Variants in VPS13A observed in about 807,000 individuals in gnomAD.
VPS13A encodes vacuolar protein sorting 13 homolog A.
VPS13A carries 264 observed loss-of-function variants against 390.9 expected under a neutral mutation model. The ratio of observed to expected loss-of-function variants is 0.68; its 90% CI spans 0.61 to 0.75. The LOEUF is 0.75. VPS13A is among the 30% of genes least tolerant of loss of function. VPS13A has a pLI of 0.00. For synonymous variants in VPS13A, 1,231 were observed against 1,227.1 expected (o/e 1.00, Z -0.07); for missense variants, 3,409 against 3,733.9 (o/e 0.91, Z 2.27).
At chr9:77,378,033 C>T (rs976950460) in intron 67 of VPS13A, among the ~76,000 whole-genome samples, 4 of 151,994 alleles carry the variant, frequency 2.6e-5, no homozygotes, top group Admixed American at 2.0e-4. Flanking sequence ...AATGTGTAAT[C>T]GTTTTTATAT....
chr9:77,286,552 A>G (rs1564696331), intron 31 of VPS13A, among the ~76,000 whole-genome samples: 2 of 152,276 alleles, frequency 1.3e-5, no homozygotes, highest in African/African-American at 4.8e-5. Flanking sequence ...TTTCTAGATG[A>G]TCTTAAAACA....
chr9:77,382,241 C>A, intron 68 of VPS13A, 154 bp downstream of exon 68: 1 of 1,438,618 alleles, frequency 7.0e-7, no homozygotes, highest in Non-Finnish European at 9.2e-7. Context: ...TTTTAAAGTA[C>A]ATTTATTTAC....
At chr9:77,303,571 T>G (rs978522327) in intron 34 of VPS13A, among the ~76,000 whole-genome samples, 1 of 152,150 alleles carries the variant, frequency 6.6e-6, no homozygotes, top group African/African-American at 2.4e-5. Context: ...GGACCTGCAC[T>G]GGCACCGGCC....
At chr9:77,370,774 G>T in intron 65 of VPS13A, 116 bp from the exon 66 acceptor site, 1 of 1,462,208 alleles carries the variant, frequency 6.8e-7, no homozygotes, top group East Asian at 2.3e-5. Context: ...TAGGAGATCT[G>T]TTAATTCTTA....
Position 77,399,167 on chromosome 9 carries a change from TAAAAAAAAAAAAATAA to T in VPS13A, c.9190-4055_9190-4040del, listed in dbSNP as rs1336538741. The stretch of plus-strand genomic sequence containing the variant: ...ATGTACCCTAAAACTTAGAGTATAA[TAAAAAAAAAAAAATAA>T]AAAAAAAAAAAAAAAAAAAAAACAA... On this transcript the variant is annotated intron_variant, in intron 68 of 71. Coordinates refer to ENST00000360280, the MANE Select transcript of VPS13A (RefSeq NM_033305.3). 6.4e-3 allele frequency among the ~76,000 whole-genome samples: 553 copies of T among 85,982 alleles called. 1 individual carries two copies. Among genetic ancestry groups the T allele is most frequent in the African/African-American group, 0.022 (529 of 24,034 alleles). The allele number at this position is 85,982 out of a possible 152,430, so 56.4% of individuals were successfully genotyped here. A position where few individuals can be genotyped will look rare whatever the true frequency, so the allele number is the denominator to read the frequency against.
intron 68 of VPS13A, among the ~76,000 whole-genome samples, chr9:77,402,910 A>C (rs1052383024): frequency 2.2e-4 from 33 of 152,234 alleles, no homozygotes; most frequent in African/African-American, 7.5e-4. Context: ...AAATATTATT[A>C]AATACTAATG....
intron 68 of VPS13A, among the ~76,000 whole-genome samples, chr9:77,391,035 GTC>G (rs1333710710): frequency 1.3e-5 from 2 of 152,154 alleles, no homozygotes; most frequent in East Asian, 3.9e-4. Context: ...TTCAATTTGA[GTC>G]TTACATCTTT....
intron 1 of VPS13A, among the ~76,000 whole-genome samples, chr9:77,182,441 A>AG (rs1490835300): frequency 2.6e-5 from 4 of 151,856 alleles, no homozygotes; most frequent in African/African-American, 9.7e-5. Context: ...AATCAGCCAT[A>AG]GGTGCTTATT....
intron 19 of VPS13A, among the ~76,000 whole-genome samples, chr9:77,240,348 A>G (rs558056487): frequency 2.0e-5 from 3 of 151,244 alleles, no homozygotes; most frequent in South Asian, 4.2e-4. Flanking sequence ...CGACCTCCCA[A>G]AGTGCTGGGA....
At position 77,281,944 on chromosome 9, in the gene VPS13A, A is replaced by G. The variant is rs778071850; in HGVS notation, c.2964+18A>G. On this transcript the variant is annotated intron_variant, in intron 28 of 71. Coordinates refer to ENST00000360280, the MANE Select transcript of VPS13A (RefSeq NM_033305.3). ...TGATTAAGGTATGAGTAGATAATTT[A>G]TTTTTTAATTATGTACTATTTCTTA... is the stretch of plus-strand genomic sequence containing the variant. The G allele has an allele frequency of 8.0e-5, 119 of 1,479,958 alleles. No individual in the cohort carries two copies. Among genetic ancestry groups the G allele is most frequent in the Middle Eastern group, 1.8e-4 (1 of 5,644 alleles). The allele number at this position is 1,479,958 out of a possible 1,614,324, so 91.7% of individuals were successfully genotyped here.
chr9:77,282,060 T>C (rs1378192001), intron 28 of VPS13A, 61 bp from the exon 29 acceptor site: 2 of 1,552,624 alleles, frequency 1.3e-6, no homozygotes, highest in East Asian at 4.5e-5. Context: ...CATAGTGCCT[T>C]GTAGAGAGCT....
At chr9:77,302,148 G>A (rs916140690) in intron 33 of VPS13A, among the ~76,000 whole-genome samples, 2 of 151,792 alleles carry the variant, frequency 1.3e-5, no homozygotes, top group Admixed American at 1.3e-4. Flanking sequence ...AGTAGAGATG[G>A]GATTTCACCA....
chr9:77,354,797 A>T (rs889402274), intron 54 of VPS13A, among the ~76,000 whole-genome samples: 1 of 152,004 alleles, frequency 6.6e-6, no homozygotes, highest in African/African-American at 2.4e-5. Flanking sequence ...CCAGAGACCC[A>T]TCTCACCCCC....
chr9:77,318,992 G>C (rs920395649), intron 41 of VPS13A, among the ~76,000 whole-genome samples: 4 of 152,010 alleles, frequency 2.6e-5, no homozygotes, highest in Non-Finnish European at 4.4e-5. Flanking sequence ...AGGAGTTCAA[G>C]ATCAGCCTGG....
chr9:77,397,490 A>G (rs1834164625), intron 68 of VPS13A, among the ~76,000 whole-genome samples: 1 of 152,116 alleles, frequency 6.6e-6, no homozygotes, highest in South Asian at 2.1e-4. Flanking sequence ...TTGGGACTTA[A>G]AGCCTTTTAT....
chr9:77,323,307 T>G (rs1829844912), intron 45 of VPS13A, 80 bp downstream of exon 45: 3 of 1,498,288 alleles, frequency 2.0e-6, no homozygotes. Context: ...AACAACAAAT[T>G]ATTACTGAAA....
chr9:77,211,735 T>C (rs1251514401), intron 7 of VPS13A: 1 of 152,142 alleles, frequency 6.6e-6, no homozygotes, highest in African/African-American at 2.4e-5. Flanking sequence ...GTGATAACAG[T>C]AGTTACTAAT....
rs147727212 is a variant in VPS13A, at chr9:77,188,346, G to A, written c.100+10542G>A. Among the ~76,000 whole-genome samples, 22 of 152,208 alleles carry A rather than the reference G, an allele frequency of 1.4e-4. 1 individual carries two copies. The highest frequency in any genetic ancestry group is 6.2e-4 in the South Asian group (3 of 4,816). ...AACACAGTACTCAAGTTTTAACTCC[G>A]TCTTGTGAGAATATGCAGTATTTGG... On this transcript the variant is annotated intron_variant, in intron 1 of 71. Coordinates refer to ENST00000360280, the MANE Select transcript of VPS13A (RefSeq NM_033305.3).
At chr9:77,340,368 A>T in intron 49 of VPS13A, 36 bp from the exon 50 acceptor site, 2 of 1,608,164 alleles carry the variant, frequency 1.2e-6, no homozygotes, top group Non-Finnish European at 1.7e-6. Flanking sequence ...GATGTTATAC[A>T]TAACAGTTTT....
Sources: gnomAD v4.1 joint callset for allele counts (sites outside exome capture counted in the v4.1 genomes callset) on GRCh38, gnomAD v4.1.1 for gene constraint, MANE v1.5 for transcripts, NCBI Gene and HGNC (gene_info 2026-07-23, HGNC 2026-07-21) for gene names.